PLXDC1: variants seen among roughly 807,000 people sequenced by gnomAD.
PLXDC1 encodes plexin domain-containing protein 1.
Under a neutral mutation model 61.3 loss-of-function variants are expected in PLXDC1, and 39 were observed. The observed-to-expected ratio is 0.64, with a 90% CI of 0.49 to 0.83. The LOEUF (loss-of-function observed/expected upper bound fraction) is 0.83, where lower values mean the gene tolerates loss of function less well. PLXDC1 is among the 40% of genes least tolerant of loss of function. The probability of loss-of-function intolerance (pLI) is 0.00; values close to 1 mark genes in which losing one functional copy is unlikely to be tolerated. For synonymous variants in PLXDC1, 212 were observed against 254.5 expected, an observed-to-expected ratio of 0.83 and a Z score of 1.59; for missense variants, 596 against 666.5, an observed-to-expected ratio of 0.89 and a Z score of 1.17.
At chr17:39,070,105 G>T in intron 12 of PLXDC1, 89 bp from the exon 13 acceptor site, 1 of 959,590 alleles carries the variant, frequency 1.0e-6, no homozygotes, top group Non-Finnish European at 1.6e-6. Flanking sequence ...AAGTCTCAGA[G>T]ATGAAAGCCG....
chr17:39,128,113 A>ATATG (rs1597655710), intron 2 of PLXDC1, among the ~76,000 whole-genome samples: 1 of 95,720 alleles, frequency 1.0e-5, no homozygotes, highest in Non-Finnish European at 2.1e-5. Context: ...ATATATATAT[A>ATATG]TGTATATATA....
At chr17:39,077,510 C>A (rs1021851947) in intron 11 of PLXDC1, among the ~76,000 whole-genome samples, 1 of 152,190 alleles carries the variant, frequency 6.6e-6, no homozygotes, top group Non-Finnish European at 1.5e-5. Flanking sequence ...CTTTCTCTCA[C>A]GCCTGAGTGT....
At chr17:39,087,170 T>C (rs1909773111) in intron 8 of PLXDC1, among the ~76,000 whole-genome samples, 1 of 152,128 alleles carries the variant, frequency 6.6e-6, no homozygotes, top group Non-Finnish European at 1.5e-5. Context: ...AGTCCCTCCA[T>C]TGCCTCCTGC....
intron 2 of PLXDC1, among the ~76,000 whole-genome samples, chr17:39,132,338 A>C (rs1254314111): frequency 1.3e-5 from 2 of 151,902 alleles, no homozygotes; most frequent in African/African-American, 4.8e-5. Flanking sequence ...ACATCCCAGG[A>C]TCTCTTGACT....
chr17:39,108,608 C>A, intron 4 of PLXDC1: 1 of 519,816 alleles, frequency 1.9e-6, no homozygotes, highest in East Asian at 3.3e-5. Flanking sequence ...CCCAAGCTCT[C>A]AGTGGAGTCT....
chr17:39,131,498 G>A (rs1030831957), intron 2 of PLXDC1, among the ~76,000 whole-genome samples: 6 of 151,938 alleles, frequency 3.9e-5, no homozygotes, highest in Non-Finnish European at 5.9e-5. Context: ...GATTATAGGC[G>A]TGCACCACCA....
intron 2 of PLXDC1, among the ~76,000 whole-genome samples, chr17:39,132,508 C>T (rs577331728): frequency 7.2e-5 from 11 of 151,968 alleles, no homozygotes; most frequent in African/African-American, 2.6e-4. Flanking sequence ...TGTGGGAATG[C>T]ATTTTAGGGA....
At chr17:39,125,001 G>C (rs975986412) in intron 2 of PLXDC1, among the ~76,000 whole-genome samples, 5 of 152,078 alleles carry the variant, frequency 3.3e-5, no homozygotes, top group African/African-American at 7.2e-5. Context: ...AATTTTTATA[G>C]AGCCAGGGTC....
chr17:39,106,712 C>T (rs113420501), intron 6 of PLXDC1, among the ~76,000 whole-genome samples: 3,184 of 147,934 alleles, frequency 0.022, 35 homozygotes, highest in South Asian at 0.047. Context: ...TGCAGTGGCA[C>T]GATCTCAGCT....
chr17:39,075,790 G>A (rs920701969), intron 11 of PLXDC1, among the ~76,000 whole-genome samples: 13 of 152,110 alleles, frequency 8.5e-5, no homozygotes, highest in African/African-American at 2.7e-4. Context: ...AGAAAGGCAG[G>A]GGACACACCA....
In PLXDC1 at chr17:39,120,606, G is replaced by GTTTT. The variant is rs34244449; in HGVS notation, c.256-11219_256-11216dup. ...AGTTTTCTATTTTTATTTATTTTAGGTTTTTTTTTTTTTTTTGAGACAGGG... is the reference window on the plus strand; with the variant it reads ...AGTTTTCTATTTTTATTTATTTTAGGTTTTTTTTTTTTTTTTTTTTGAGACAGGG... On this transcript the variant is annotated intron_variant, in intron 2 of 13. Transcript: ENST00000315392. 6.4e-3 allele frequency among the ~76,000 whole-genome samples: 845 copies of GTTTT among 132,730 alleles called. 18 individuals are homozygous for GTTTT. The highest frequency in any genetic ancestry group is 9.8e-3 in the Non-Finnish European group (625 of 63,646). 87.1% of individuals were successfully genotyped at this position (132,730 alleles called of 152,430 possible). A position where few individuals can be genotyped will look rare whatever the true frequency, so the allele number is the denominator to read the frequency against.
At chr17:39,130,854 A>ATG (rs1911537358) in intron 2 of PLXDC1, among the ~76,000 whole-genome samples, 2 of 151,982 alleles carry the variant, frequency 1.3e-5, no homozygotes, top group African/African-American at 2.4e-5. Context: ...GAGCCACCGC[A>ATG]CCCAGCCTAA....
intron 7 of PLXDC1, among the ~76,000 whole-genome samples, chr17:39,088,968 A>AGG (rs1909849405): frequency 7.6e-6 from 1 of 132,426 alleles, no homozygotes; most frequent in Non-Finnish European, 1.6e-5. Flanking sequence ...AAAAAAAGAG[A>AGG]GAGAGAGAAA....
chr17:39,123,587 A>G (rs1386921844), intron 2 of PLXDC1, among the ~76,000 whole-genome samples: 1 of 152,150 alleles, frequency 6.6e-6, no homozygotes, highest in African/African-American at 2.4e-5. Context: ...GAGGTATTTG[A>G]GAAGTGGGAG....
chr17:39,133,410 G>A (rs1429042641), intron 2 of PLXDC1, among the ~76,000 whole-genome samples: 2 of 152,130 alleles, frequency 1.3e-5, no homozygotes, highest in Non-Finnish European at 2.9e-5. Flanking sequence ...GGTCCTTAGA[G>A]GCTCCTGTGT....
chr17:39,122,823 T>C lies in PLXDC1; in HGVS notation c.256-13432A>G, dbSNP rs552546973. On this transcript the variant is annotated intron_variant, in intron 2 of 13. Coordinates refer to ENST00000315392, the MANE Select transcript of PLXDC1 (RefSeq NM_020405.5). ...AATCCACATTTGTTTTGGGAGGCAG[T>C]GTGATATGGATTTCAAACATTTTTG... Among the ~76,000 whole-genome samples, 4 of 152,364 alleles carry C rather than the reference T, an allele frequency of 2.6e-5. No homozygotes were observed. In the East Asian group the frequency reaches 7.7e-4, roughly 29 times the overall value.
chr17:39,139,618 CACTT>C, intron 2 of PLXDC1, 32 bp downstream of exon 2: 1 of 1,543,504 alleles, frequency 6.5e-7, no homozygotes. Context: ...CCCCCACCCC[CACTT>C]CGCTCCCCCT....
At chr17:39,140,522 G>A (rs1261359744) in intron 1 of PLXDC1, among the ~76,000 whole-genome samples, 1 of 152,146 alleles carries the variant, frequency 6.6e-6, no homozygotes, top group Non-Finnish European at 1.5e-5. Flanking sequence ...AGCCAGGATG[G>A]TCTCAATCTC....
intron 1 of PLXDC1, among the ~76,000 whole-genome samples, chr17:39,141,830 T>G (rs755443409): frequency 1.3e-5 from 2 of 152,064 alleles, no homozygotes; most frequent in South Asian, 2.1e-4. Context: ...TTATTTTCTG[T>G]TTTTTTTATA....
Sources: gnomAD v4.1 joint callset for allele counts (sites outside exome capture counted in the v4.1 genomes callset) on GRCh38, gnomAD v4.1.1 for gene constraint, MANE v1.5 for transcripts, NCBI Gene and HGNC (gene_info 2026-07-23, HGNC 2026-07-21) for gene names.